The following TDG variants were observed in gnomAD, a reference collection of about 807,000 sequenced individuals.
TDG encodes G/T mismatch-specific thymine DNA glycosylase.
TDG carries 23 observed loss-of-function variants against 46.1 expected under a neutral mutation model. That is an observed-to-expected ratio of 0.50 (90% CI 0.36 to 0.71). TDG has a LOEUF of 0.71. Among genes scored for constraint, TDG ranks in the 30% least tolerant of loss-of-function variants. The pLI is 0.00. For missense variants in TDG, 304 were observed against 486.7 expected, an observed-to-expected ratio of 0.62 and a Z score of 3.53; for synonymous variants, 115 against 161.3, an observed-to-expected ratio of 0.71 and a Z score of 2.18.
chr12:103,982,119 AATAG>A (rs1327665364), intron 4 of TDG, among the ~76,000 whole-genome samples: 5 of 152,224 alleles, frequency 3.3e-5, no homozygotes, highest in Non-Finnish European at 1.5e-5. Context: ...TATACTGCCT[AATAG>A]ATCAGTGTAT....
chr12:103,988,742 AG>A lies in TDG; in HGVS notation c.*1653del, dbSNP rs1259215181. 6.6e-6 allele frequency: 1 copy of A among 152,378 alleles called. No homozygotes were observed. The highest frequency in any genetic ancestry group is 1.5e-5 in the Non-Finnish European group (1 of 68,036). The allele number at this position is 152,378 out of a possible 1,614,324, so 9.4% of individuals were successfully genotyped here. On this transcript the variant is annotated 3_prime_UTR_variant, in exon 10 of 10. Coordinates refer to ENST00000392872, the MANE Select transcript of TDG (RefSeq NM_003211.6). ...GATGTTTTTCCTAACATGACAGATG[AG>A]TAGTAAATGTTGATATATCCTATAC...
intron 9 of TDG, among the ~76,000 whole-genome samples, chr12:103,986,072 A>G (rs751058226): frequency 6.6e-6 from 1 of 152,066 alleles, no homozygotes; most frequent in Non-Finnish European, 1.5e-5. Context: ...GGCATCCGCC[A>G]CGATGCCTGG....
rs768945605 is a variant in TDG, at chr12:103,983,323, T to G, written c.726T>G (p.Val242=). The change falls in exon 7 of 10, where the codon GTT becomes GTG. Residue 242 remains valine, a synonymous_variant. Coordinates refer to ENST00000392872, the MANE Select transcript of TDG (RefSeq NM_003211.6). ...KCIYEIFSKE[V]FGVKVKNLEF... is the part of the protein sequence containing the mutation. Reference sequence around the variant, plus strand: ...TTTATGAAATTTTTAGTAAAGAAGTTTTTGGAGTAAAGGTTAAGAACTTGG... The same window carrying G: ...TTTATGAAATTTTTAGTAAAGAAGTGTTTGGAGTAAAGGTTAAGAACTTGG... The G allele has an allele frequency of 6.3e-7, 1 of 1,596,902 alleles. No homozygotes were observed. Among genetic ancestry groups the G allele is most frequent in the Non-Finnish European group, 8.5e-7 (1 of 1,174,644 alleles).
At position 103,966,060 on chromosome 12, in the gene TDG, G is replaced by A; in HGVS notation, c.23G>A (p.Ser8Asn). 1.3e-6 allele frequency: 2 copies of A among 1,588,546 alleles called. No homozygotes were observed. Among genetic ancestry groups the A allele is most frequent in the South Asian group, 1.1e-5 (1 of 88,166 alleles). Residue 8 changes from serine to asparagine, a missense_variant and splice_region_variant, in exon 1 of 10, where the codon AGC becomes AAC. Coordinates refer to ENST00000392872, the MANE Select transcript of TDG (RefSeq NM_003211.6). ...GGAATGGAAGCGGAGAACGCGGGCAGGTAATACCGGGGCCAGCGCCGCCCC... is the reference window on the plus strand; with the variant it reads ...GGAATGGAAGCGGAGAACGCGGGCAAGTAATACCGGGGCCAGCGCCGCCCC... Reference protein sequence around the residue: MEAENAGSYSLQQAQAFY... With the variant: MEAENAGNYSLQQAQAFY...
chr12:103,976,030 T>G (rs1382849960), intron 1 of TDG, among the ~76,000 whole-genome samples: 1 of 150,920 alleles, frequency 6.6e-6, no homozygotes, highest in African/African-American at 2.4e-5. Flanking sequence ...ACGTGAACTT[T>G]GGGGGACACA....
chr12:103,975,880 A>G lies in TDG; in HGVS notation c.24-1038A>G, dbSNP rs188080121. On this transcript the variant is annotated intron_variant, in intron 1 of 9. Transcript: ENST00000392872. ...TTTTGCCATGTTGGTCAGGCTGGTT[A>G]TAAACTCCTGACCTCAGGTGATCTA... 3.0e-4 allele frequency among the ~76,000 whole-genome samples: 43 copies of G among 144,294 alleles called. 1 individual carries two copies. The East Asian group carries it at 9.2e-3, about 31-fold the overall frequency. 94.7% of individuals were successfully genotyped at this position (144,294 alleles called of 152,430 possible).
intron 1 of TDG, among the ~76,000 whole-genome samples, chr12:103,972,235 C>T (rs1871318992): frequency 6.6e-6 from 1 of 152,172 alleles, no homozygotes; most frequent in Non-Finnish European, 1.5e-5. Context: ...TCTCCTGCCT[C>T]AGCCTTCCCT....
intron 5 of TDG, 79 bp downstream of exon 5, chr12:103,983,013 T>TA: frequency 4.4e-6 from 7 of 1,588,850 alleles, no homozygotes; most frequent in Non-Finnish European, 6.0e-6. Context: ...ACATCATATG[T>TA]ATCTAGTTCA....
At chr12:103,971,702 T>C (rs571351266) in intron 1 of TDG, among the ~76,000 whole-genome samples, 1 of 152,188 alleles carries the variant, frequency 6.6e-6, no homozygotes, top group African/African-American at 2.4e-5. Flanking sequence ...TATTTGAGAC[T>C]AAGATAAATG....
chr12:103,979,139 G>A (rs762966238), intron 2 of TDG, among the ~76,000 whole-genome samples: 11 of 103,460 alleles, frequency 1.1e-4, no homozygotes, highest in Admixed American at 2.9e-4. Flanking sequence ...GTCTTGCTCT[G>A]TTGCCCAGGC....
chr12:103,979,548 G>A (rs1274162763), intron 2 of TDG, among the ~76,000 whole-genome samples: 1 of 152,122 alleles, frequency 6.6e-6, no homozygotes, highest in Non-Finnish European at 1.5e-5. Context: ...TATCCTTGAG[G>A]AGGTTAAGAT....
At position 103,975,153 on chromosome 12, in the gene TDG, T is replaced by C. The variant is rs2723876; in HGVS notation, c.24-1765T>C. ...ATATGTGTTTACTTCTCTGGTTTTA[T>C]GCTAACAGCAACACCATGAGATAGT... is the stretch of plus-strand genomic sequence containing the variant. On this transcript the variant is annotated intron_variant, in intron 1 of 9. Transcript: ENST00000392872. Among the ~76,000 whole-genome samples, 313 of 152,238 alleles carry C rather than the reference T, an allele frequency of 2.1e-3. 1 individual carries two copies. The highest frequency in any genetic ancestry group is 7.1e-3 in the African/African-American group (293 of 41,536).
Position 103,988,627 on chromosome 12 carries a change from A to G in TDG, c.*1537A>G, listed in dbSNP as rs1252317904. On this transcript the variant is annotated 3_prime_UTR_variant, in exon 10 of 10. Coordinates refer to ENST00000392872, the MANE Select transcript of TDG (RefSeq NM_003211.6). ...TATAACTATTGTAGCTTTACAAGAGATTGTTTTATTTGAATGGGGAAAATA... is the reference window on the plus strand; with the variant it reads ...TATAACTATTGTAGCTTTACAAGAGGTTGTTTTATTTGAATGGGGAAAATA... 1.3e-5 allele frequency: 2 copies of G among 152,736 alleles called. No individual in the cohort carries two copies. Among genetic ancestry groups the G allele is most frequent in the African/African-American group, 4.8e-5 (2 of 41,486 alleles). 9.5% of individuals were successfully genotyped at this position (152,736 alleles called of 1,614,324 possible).
chr12:103,981,600 A>C (rs1430589221), intron 4 of TDG, among the ~76,000 whole-genome samples: 4 of 152,216 alleles, frequency 2.6e-5, no homozygotes, highest in African/African-American at 9.6e-5. Flanking sequence ...TAACGATAGT[A>C]TAGTACATCT....
At chr12:103,980,151 C>T in intron 3 of TDG, 79 bp downstream of exon 3, 1 of 1,578,990 alleles carries the variant, frequency 6.3e-7, no homozygotes, top group Non-Finnish European at 8.6e-7. Context: ...TTGCAAATAG[C>T]ATTTTGCTGA....
At chr12:103,975,599 C>A (rs1871495734) in intron 1 of TDG, among the ~76,000 whole-genome samples, 1 of 152,108 alleles carries the variant, frequency 6.6e-6, no homozygotes, top group Non-Finnish European at 1.5e-5. Flanking sequence ...TATCAGGAAC[C>A]CTCTCCTGTG....
Position 103,984,840 on chromosome 12 carries a change from T to G in TDG, c.884T>G (p.Leu295Ter). 6.2e-7 allele frequency: 1 copy of G among 1,613,670 alleles called. No individual in the cohort carries two copies. Among genetic ancestry groups the G allele is most frequent in the Non-Finnish European group, 8.5e-7 (1 of 1,179,600 alleles). Residue 295 changes from leucine to a stop codon, truncating the protein, a stop_gained, in exon 8 of 10, where the codon TTA (leucine) becomes TGA (stop). Coordinates refer to ENST00000392872, the MANE Select transcript of TDG (RefSeq NM_003211.6). LOFTEE classifies it high-confidence loss of function. Reference sequence around the variant, plus strand: ...CATTACTACATAAAACTGAAGGACTTAAGAGATCAGTTGAAAGGCATTGAA... The same window carrying G: ...CATTACTACATAAAACTGAAGGACTGAAGAGATCAGTTGAAAGGCATTGAA... ...KVHYYIKLKD[L>*]RDQLKGIERN...
In TDG at chr12:103,979,974, G is replaced by C. The variant is rs1871742208; in HGVS notation, c.310G>C (p.Val104Leu). 6.2e-7 allele frequency: 1 copy of C among 1,613,038 alleles called. No homozygotes were observed. The highest frequency in any genetic ancestry group is 1.1e-5 in the South Asian group (1 of 90,904). The change falls in exon 3 of 10, where the codon GTA becomes CTA. Residue 104 changes from valine to leucine, a missense_variant. Physicochemically the swap from Val to Leu is conservative, Grantham distance 32 (BLOSUM62 1). Transcript: ENST00000392872. ...KQEKITDTFKVKRKVDRFNGV... is the reference protein window; with the variant it reads ...KQEKITDTFKLKRKVDRFNGV... ...AGAAAAAATTACAGACACATTTAAA[G>C]TAAAAAGAAAAGTAGACCGTTTTAA... is the stretch of plus-strand genomic sequence containing the variant.
In TDG at chr12:103,984,689, C is replaced by G. The variant is rs189289327; in HGVS notation, c.793-60C>G. 8 of 1,297,088 alleles carry G rather than the reference C, an allele frequency of 6.2e-6. No individual in the cohort carries two copies. The East Asian group carries it at 1.4e-4, about 22-fold the overall frequency. 80.3% of individuals were successfully genotyped at this position (1,297,088 alleles called of 1,614,324 possible). On this transcript the variant is annotated intron_variant, in intron 7 of 9. Transcript: ENST00000392872. ...CAAATAAAGACAAATATTCTAATCT[C>G]AATGAGTGAATTCAATAGAATTATA...
Sources: allele counts gnomAD v4.1 joint callset (sites outside exome capture counted in the v4.1 genomes callset), GRCh38; gene constraint gnomAD v4.1.1; transcripts MANE v1.5; gene names NCBI Gene and HGNC (gene_info 2026-07-23, HGNC 2026-07-21).